Variants in DNTT observed in about 807,000 individuals in gnomAD.
DNTT encodes the protein nucleosidetriphosphate:DNA deoxynucleotidylexotransferase.
A neutral mutation model predicts 60.9 loss-of-function variants in DNTT; 47 were observed. The ratio of observed to expected loss-of-function variants is 0.77; its 90% CI spans 0.61 to 0.98. The LOEUF is 0.98. DNTT is among the 50% of genes least tolerant of loss of function. The pLI, the probability that DNTT is intolerant of heterozygous loss-of-function variation, is 0.00. For missense variants in DNTT, 665 were observed against 627.5 expected (o/e 1.06, Z -0.64); for synonymous variants, 224 against 221.2 (o/e 1.01, Z -0.11).
intron 3 of DNTT, among the ~76,000 whole-genome samples, chr10:96,319,638 A>T (rs1206346177): frequency 6.6e-6 from 1 of 152,238 alleles, no homozygotes; most frequent in Non-Finnish European, 1.5e-5. Flanking sequence ...TACTATTTAC[A>T]GATAGTTGTC....
chr10:96,314,703 C>G (rs528019032), intron 1 of DNTT, among the ~76,000 whole-genome samples: 1 of 152,018 alleles, frequency 6.6e-6, no homozygotes, highest in Admixed American at 6.6e-5. Flanking sequence ...TGAGCCACCG[C>G]GCCCAGCCTC....
chr10:96,332,709 G>A (rs1845022159), intron 9 of DNTT, 113 bp downstream of exon 9: 2 of 1,486,402 alleles, frequency 1.3e-6, no homozygotes, highest in Non-Finnish European at 1.8e-6. Context: ...ACAGGGGAGG[G>A]GCCAGTACCC....
intron 1 of DNTT, among the ~76,000 whole-genome samples, chr10:96,308,087 T>C (rs1844665969): frequency 6.6e-6 from 1 of 152,104 alleles, no homozygotes; most frequent in Admixed American, 6.6e-5. Flanking sequence ...AAGAAAGCTG[T>C]TTTTTCAGCT....
intron 1 of DNTT, among the ~76,000 whole-genome samples, chr10:96,315,747 G>A (rs564098201): frequency 2.0e-5 from 3 of 151,018 alleles, no homozygotes; most frequent in South Asian, 4.2e-4. Flanking sequence ...AAATAATAAT[G>A]TATCATAAGT....
chr10:96,335,714 A>G (rs1405507433), intron 9 of DNTT, among the ~76,000 whole-genome samples, 177 bp from the exon 10 acceptor site: 1 of 152,230 alleles, frequency 6.6e-6, no homozygotes, highest in Non-Finnish European at 1.5e-5. Context: ...CAGAGCTTAC[A>G]TTCTAGTGTG....
At chr10:96,322,815 C>A in intron 5 of DNTT, 87 bp downstream of exon 5, 44 of 1,076,396 alleles carry the variant, frequency 4.1e-5, no homozygotes, top group Non-Finnish European at 4.9e-5. Context: ...TCAGCTTGGG[C>A]TGCAATAACA....
chr10:96,332,010 C>T (rs981239792), intron 8 of DNTT, among the ~76,000 whole-genome samples: 5 of 152,106 alleles, frequency 3.3e-5, no homozygotes, highest in Non-Finnish European at 5.9e-5. Flanking sequence ...ATTCCTGCAG[C>T]GTGGCTTTTT....
chr10:96,307,082 G>C (rs1844647190), intron 1 of DNTT, among the ~76,000 whole-genome samples: 1 of 152,178 alleles, frequency 6.6e-6, no homozygotes, highest in Non-Finnish European at 1.5e-5. Flanking sequence ...ATGAGATAAT[G>C]CATGTCAATG....
intron 1 of DNTT, among the ~76,000 whole-genome samples, chr10:96,311,580 G>A (rs188217663): frequency 1.5e-4 from 23 of 152,198 alleles, no homozygotes; most frequent in Admixed American, 5.2e-4. Context: ...CCACAGTCAC[G>A]ATTCTTGTAA....
chr10:96,320,992 A>C (rs1439959813), intron 4 of DNTT, among the ~76,000 whole-genome samples: 2 of 152,056 alleles, frequency 1.3e-5, no homozygotes, highest in Non-Finnish European at 2.9e-5. Flanking sequence ...ACACATACAC[A>C]CACACATACA....
chr10:96,328,606 A>C, intron 7 of DNTT, 119 bp from the exon 8 acceptor site: 2 of 935,594 alleles, frequency 2.1e-6, no homozygotes, highest in South Asian at 2.0e-5. Flanking sequence ...TCTTAAAAAA[A>C]AGTCAAGAAC....
At chr10:96,311,832 C>T (rs1257761133) in intron 1 of DNTT, among the ~76,000 whole-genome samples, 2 of 152,122 alleles carry the variant, frequency 1.3e-5, no homozygotes. Flanking sequence ...TTAGTAGAGA[C>T]GGGGTTTCAC....
intron 8 of DNTT, 35 bp from the exon 9 acceptor site, chr10:96,332,315 AG>A: frequency 6.2e-7 from 1 of 1,601,262 alleles, no homozygotes; most frequent in Non-Finnish European, 8.5e-7. Flanking sequence ...CTTCTTCATC[AG>A]GGCCTTTTCC....
At chr10:96,319,159 A>C (rs1844830419) in intron 2 of DNTT, 103 bp from the exon 3 acceptor site, 2 of 1,355,696 alleles carry the variant, frequency 1.5e-6, no homozygotes, top group East Asian at 4.7e-5. Context: ...GTCTCCTATA[A>C]TTTTATCCTC....
rs1049565806 is a variant in DNTT, at chr10:96,338,413, A to G, written c.*189A>G. On this transcript the variant is annotated 3_prime_UTR_variant, in exon 11 of 11. Coordinates refer to ENST00000371174, the MANE Select transcript of DNTT (RefSeq NM_004088.4). ...GTAATGGGTAAGGTTCTAATAGGCC[A>G]TGTTTATGACTGTTGCATAGAATTC... 1.7e-5 allele frequency: 9 copies of G among 516,146 alleles called. No individual in the cohort carries two copies. The highest frequency in any genetic ancestry group is 3.8e-5 in the African/African-American group (2 of 52,158). The allele number at this position is 516,146 out of a possible 1,614,324, so 32.0% of individuals were successfully genotyped here.
intron 2 of DNTT, among the ~76,000 whole-genome samples, 167 bp downstream of exon 2, chr10:96,318,693 A>G (rs944867218): frequency 7.2e-5 from 11 of 152,194 alleles, no homozygotes. Flanking sequence ...TTATAATATG[A>G]CATAACGATA....
intron 8 of DNTT, among the ~76,000 whole-genome samples, chr10:96,329,280 A>G (rs1004336815): frequency 6.6e-6 from 1 of 152,260 alleles, no homozygotes; most frequent in Non-Finnish European, 1.5e-5. Flanking sequence ...GATGGAATGA[A>G]GGAAACTAAT....
chr10:96,322,470 G>A (rs1161949781), intron 4 of DNTT, among the ~76,000 whole-genome samples, 187 bp from the exon 5 acceptor site: 2 of 152,168 alleles, frequency 1.3e-5, no homozygotes, highest in African/African-American at 2.4e-5. Context: ...TTGGATATAT[G>A]ATGAGCTAGC....
intron 6 of DNTT, among the ~76,000 whole-genome samples, chr10:96,326,105 ATCT>A (rs1408717324): frequency 8.6e-5 from 13 of 151,670 alleles, no homozygotes; most frequent in Admixed American, 8.5e-4. Context: ...ATAGCTGCAC[ATCT>A]TCTTAAAGAA....
Sources: gnomAD v4.1 joint callset for allele counts (sites outside exome capture counted in the v4.1 genomes callset) on GRCh38, gnomAD v4.1.1 for gene constraint, MANE v1.5 for transcripts, NCBI Gene and HGNC (gene_info 2026-07-23, HGNC 2026-07-21) for gene names.